The following PCDHGA10 variants were observed in gnomAD, a reference collection of about 807,000 sequenced individuals.
The protein encoded by PCDHGA10 is protocadherin gamma subfamily A, 10.
In PCDHGA10, 42 loss-of-function variants were observed where a neutral mutation model predicts 59.5. The ratio of observed to expected loss-of-function variants is 0.71; its 90% confidence interval spans 0.55 to 0.91. PCDHGA10 has a LOEUF of 0.91. Ranked by LOEUF, PCDHGA10 falls within the 40% of genes least tolerant of loss-of-function variation. The pLI is 0.00. For synonymous variants in PCDHGA10, 511 were observed against 517.2 expected, an observed-to-expected ratio of 0.99 and a Z score of 0.16; for missense variants, 1,111 against 1,198.2, an observed-to-expected ratio of 0.93 and a Z score of 1.07.
intron 1 of PCDHGA10, chr5:141,439,998 G>A (rs2098143949): frequency 6.5e-6 from 1 of 153,152 alleles, no homozygotes; most frequent in Non-Finnish European, 1.5e-5. Context: ...TTGGTGGTGG[G>A]AAACCTTGCC....
intron 1 of PCDHGA10, among the ~76,000 whole-genome samples, chr5:141,463,377 G>T (rs1161419035): frequency 2.7e-5 from 4 of 147,358 alleles, no homozygotes; most frequent in Non-Finnish European, 3.0e-5. Flanking sequence ...CCCACAGTCT[G>T]AAAGTTGTCT....
rs747722740 is a variant in PCDHGA10, at chr5:141,485,835, C to G, written c.2437-8972C>G. 3 of 1,614,190 alleles carry G rather than the reference C, an allele frequency of 1.9e-6. No homozygotes were observed. In the South Asian group the frequency reaches 3.3e-5, roughly 18 times the overall value. On this transcript the variant is annotated intron_variant, in intron 1 of 3. Transcript: ENST00000398610. This position sits in a 1 kb window ranked among gnomAD's most constrained non-coding sequence, Gnocchi z 5.7. ...ACTGCTGTCGATGGAGGGAACCCGC[C>G]GAGATCTGGCACCGCAGAGCTCCGG...
intron 1 of PCDHGA10, chr5:141,417,544 C>A: frequency 3.2e-6 from 1 of 308,860 alleles, no homozygotes; most frequent in Non-Finnish European, 5.9e-6. Context: ...AAAAAAATTC[C>A]TTGAAAGAGG....
At chr5:141,500,488 C>T (rs569168291) in intron 2 of PCDHGA10, among the ~76,000 whole-genome samples, 4 of 152,178 alleles carry the variant, frequency 2.6e-5, no homozygotes, top group South Asian at 2.1e-4. Flanking sequence ...GGATTACAGG[C>T]GTGAGCCACC....
At chr5:141,420,245 G>T (rs72790042) in intron 1 of PCDHGA10, 1 of 1,584,230 alleles carries the variant, frequency 6.3e-7, no homozygotes, top group East Asian at 2.2e-5. Flanking sequence ...AACTCCCAGC[G>T]TTGAAGCAGA....
chr5:141,487,040 C>T lies in PCDHGA10; in HGVS notation c.2437-7767C>T, dbSNP rs374574042. The T allele has an allele frequency of 3.7e-6, 6 of 1,614,136 alleles. No homozygotes were observed. Among genetic ancestry groups the T allele is most frequent in the South Asian group, 1.1e-5 (1 of 91,082 alleles). On this transcript the variant is annotated intron_variant, in intron 1 of 3. Transcript: ENST00000398610. This position sits in a 1 kb window ranked among gnomAD's most constrained non-coding sequence, Gnocchi z 5.0. Reference sequence around the variant, plus strand: ...AGATCCCAGCCTGTTTGCAGTCTCTCGATATGCTGGGGAGGTGCGGACGGC... The same window carrying T: ...AGATCCCAGCCTGTTTGCAGTCTCTTGATATGCTGGGGAGGTGCGGACGGC...
chr5:141,455,859 TATTA>T (rs2098833777), intron 1 of PCDHGA10, among the ~76,000 whole-genome samples: 1 of 143,846 alleles, frequency 7.0e-6, no homozygotes, highest in African/African-American at 2.5e-5. Flanking sequence ...TAATTTCTTT[TATTA>T]TTTATTTATT....
intron 1 of PCDHGA10, chr5:141,427,993 C>G: frequency 6.3e-7 from 1 of 1,599,460 alleles, no homozygotes; most frequent in South Asian, 1.1e-5. Flanking sequence ...CCCGATGGCT[C>G]CGCACTCTTC....
At chr5:141,429,388 A>T (rs6890453) in intron 1 of PCDHGA10, among the ~76,000 whole-genome samples, 24,714 of 140,916 alleles carry the variant, frequency 0.18, 2,276 homozygotes, top group African/African-American at 0.28. Flanking sequence ...TTTTTTTTTT[A>T]AAAAAAATTG....
chr5:141,423,474 T>C, intron 1 of PCDHGA10: 1 of 1,614,004 alleles, frequency 6.2e-7, no homozygotes, highest in Non-Finnish European at 8.5e-7. Flanking sequence ...GGGTACAGGC[T>C]TTCCTGCAAA....
At chr5:141,463,438 C>CTTTTTTT (rs71576115) in intron 1 of PCDHGA10, among the ~76,000 whole-genome samples, 6 of 103,252 alleles carry the variant, frequency 5.8e-5, no homozygotes, top group African/African-American at 1.3e-4. Flanking sequence ...TTTCCTTCTC[C>CTTTTTTT]TTTTTTTTTT....
At position 141,432,669 on chromosome 5, in the gene PCDHGA10, C is replaced by T. The variant is rs777314784; in HGVS notation, c.2436+17058C>T. ...GCGCGAGCCCTGCTGGACAGAGACG[C>T]GCTCAAGCAGAGCCTCGTAGTGGCC... On this transcript the variant is annotated intron_variant, in intron 1 of 3. Transcript: ENST00000398610. This position sits in a 1 kb window ranked among gnomAD's most constrained non-coding sequence, Gnocchi z 6.0. 1 of 1,613,894 alleles carries T rather than the reference C, an allele frequency of 6.2e-7. No homozygotes were observed.
At chr5:141,488,978 C>T (rs1346335195) in intron 1 of PCDHGA10, 4 of 388,976 alleles carry the variant, frequency 1.0e-5, no homozygotes, top group African/African-American at 2.1e-5. Flanking sequence ...GCCAATCAGA[C>T]TCAGAGCTGA....
In PCDHGA10 at chr5:141,415,035, C is replaced by T. The variant is rs368588973; in HGVS notation, c.1860C>T (p.Leu620=). The part of the protein sequence containing the change: ...YRLLKASEPG[L]FAVGEHTGEV... ...TGCTCAAGGCCAGCGAGCCGGGACT[C>T]TTCGCGGTGGGGGAGCACACGGGCG... Residue 620 remains leucine (L), a synonymous_variant, in exon 1 of 4, where the codon CTC becomes CTT. Transcript: ENST00000398610. The T allele has an allele frequency of 8.9e-5, 143 of 1,613,460 alleles. No homozygotes were observed. Among genetic ancestry groups the T allele is most frequent in the Non-Finnish European group, 1.1e-4 (135 of 1,179,976 alleles).
Position 141,450,830 on chromosome 5 carries a change from T to TTA in PCDHGA10, c.2436+35220_2436+35221insAT, listed in dbSNP as rs200967731. 4.3e-3 allele frequency among the ~76,000 whole-genome samples: 438 copies of TTA among 101,540 alleles called. 3 individuals carry two copies. Among genetic ancestry groups the TTA allele is most frequent in the African/African-American group, 0.015 (349 of 23,046 alleles). 66.6% of individuals were successfully genotyped at this position (101,540 alleles called of 152,430 possible). ...TATTTATTTAATATTATTATTATTA[T>TTA]TTTTTTTTTTTTGAGATGGGGTCTT... On this transcript the variant is annotated intron_variant, in intron 1 of 3. Transcript: ENST00000398610.
rs780047810 is a variant in PCDHGA10, at chr5:141,414,828, G to A, written c.1653G>A (p.Ser551=). ...SGDPPLSSNV[S]LSLFVLDQND... ...ATCCTCCACTCAGCAGCAACGTGTCGTTGAGCCTGTTTGTGCTGGACCAGA... is the reference window on the plus strand; with the variant it reads ...ATCCTCCACTCAGCAGCAACGTGTCATTGAGCCTGTTTGTGCTGGACCAGA... Residue 551 remains serine (S), a synonymous_variant, in exon 1 of 4, where the codon TCG becomes TCA. Transcript: ENST00000398610. 1.4e-5 allele frequency: 22 copies of A among 1,614,092 alleles called. No individual in the cohort carries two copies. Among genetic ancestry groups the A allele is most frequent in the Non-Finnish European group, 1.8e-5 (21 of 1,180,042 alleles).
Position 141,414,557 on chromosome 5 carries a change from A to T in PCDHGA10, c.1382A>T (p.Tyr461Phe), listed in dbSNP as rs749209012. 25 of 1,613,906 alleles carry T rather than the reference A, an allele frequency of 1.5e-5. No homozygotes were observed. The highest frequency in any genetic ancestry group is 2.0e-5 in the Non-Finnish European group (24 of 1,179,868). ...CCACCTACCTTCTCTCAAGTCTCCT[A>T]CTTTACCTATATCCCAGAGAACAAC... Reference protein sequence around the residue: ...DNPPTFSQVSYFTYIPENNAR... With the variant: ...DNPPTFSQVSFFTYIPENNAR... Residue 461 changes from tyrosine to phenylalanine, a missense_variant, in exon 1 of 4, where the codon TAC becomes TTC. By Grantham distance (22) the Tyr-to-Phe change is conservative. Coordinates refer to ENST00000398610, the MANE Select transcript of PCDHGA10 (RefSeq NM_018913.3).
At chr5:141,472,003 A>T (rs1450802255) in intron 1 of PCDHGA10, among the ~76,000 whole-genome samples, 1 of 152,176 alleles carries the variant, frequency 6.6e-6, no homozygotes, top group Non-Finnish European at 1.5e-5. Context: ...CCTGCATCGT[A>T]TAGGGGCACT....
chr5:141,450,633 C>T (rs751572851), intron 1 of PCDHGA10, among the ~76,000 whole-genome samples: 2 of 149,416 alleles, frequency 1.3e-5, no homozygotes, highest in East Asian at 2.0e-4. Flanking sequence ...ATTACAGATG[C>T]CTGCCACCAT....
Sources: allele counts gnomAD v4.1 joint callset (sites outside exome capture counted in the v4.1 genomes callset), GRCh38; gene constraint gnomAD v4.1.1; non-coding constraint Gnocchi (gnomAD v3.1); transcripts MANE v1.5; gene names NCBI Gene and HGNC (gene_info 2026-07-23, HGNC 2026-07-21).